SUMF1: variants seen among roughly 807,000 people sequenced by gnomAD.
SUMF1 encodes the protein sulfatase modifying factor 1.
A neutral mutation model predicts 47.6 loss-of-function variants in SUMF1; 48 were observed. The ratio of observed to expected loss-of-function variants is 1.01; its 90% confidence interval spans 0.80 to 1.28. SUMF1 has a LOEUF of 1.28. Ranked by LOEUF, SUMF1 falls within the 50% of genes most tolerant of loss-of-function variation. The pLI is 0.00. For synonymous variants in SUMF1, 230 were observed against 192.1 expected (o/e 1.20, Z -1.63); for missense variants, 571 against 485.4 (o/e 1.18, Z -1.66).
intron 3 of SUMF1, among the ~76,000 whole-genome samples, chr3:4,448,751 G>A (rs954416323): frequency 5.3e-5 from 8 of 151,948 alleles, no homozygotes; most frequent in African/African-American, 1.9e-4. Flanking sequence ...ATATGGGAGG[G>A]TACACCCCTG....
At chr3:4,232,059 C>T (rs904995973) in intron 8 of SUMF1, among the ~76,000 whole-genome samples, 8 of 152,128 alleles carry the variant, frequency 5.3e-5, no homozygotes, top group Non-Finnish European at 1.2e-4. Flanking sequence ...CCTCCTGGTG[C>T]TTCATTGATA....
chr3:4,213,798 C>G (rs1367215488), intron 8 of SUMF1, among the ~76,000 whole-genome samples: 1 of 152,046 alleles, frequency 6.6e-6, no homozygotes, highest in African/African-American at 2.4e-5. Context: ...CAACAAAGAT[C>G]AAAAGAGACA....
chr3:4,157,895 C>T (rs1694490935), intron 8 of SUMF1, among the ~76,000 whole-genome samples: 1 of 151,490 alleles, frequency 6.6e-6, no homozygotes, highest in Non-Finnish European at 1.5e-5. Flanking sequence ...TACTTCTGTA[C>T]TCAAGTCATA....
chr3:4,068,983 AAATAACAATAAT>A (rs1271614872), intron 8 of SUMF1, among the ~76,000 whole-genome samples: 1 of 152,158 alleles, frequency 6.6e-6, no homozygotes, highest in Admixed American at 6.5e-5. Context: ...CCTTTTATGA[AAATAACAATAAT>A]AATAACAATA....
At chr3:4,079,393 T>G (rs903249730) in intron 8 of SUMF1, among the ~76,000 whole-genome samples, 6 of 151,996 alleles carry the variant, frequency 3.9e-5, no homozygotes, top group African/African-American at 1.5e-4. Context: ...TGAGAAGGGT[T>G]TTGATACCAT....
intron 8 of SUMF1, among the ~76,000 whole-genome samples, chr3:4,109,849 A>C (rs1329438739): frequency 6.6e-6 from 1 of 151,934 alleles, no homozygotes; most frequent in Non-Finnish European, 1.5e-5. Flanking sequence ...AAAGCTTTTA[A>C]CTTCTTTGCC....
intron 8 of SUMF1, 44 bp from the exon 9 acceptor site, chr3:4,362,298 A>C: frequency 3.9e-6 from 6 of 1,542,114 alleles, no homozygotes; most frequent in Non-Finnish European, 5.4e-6. Context: ...TGGGACTCTC[A>C]GCTGAAGGCT....
At chr3:4,337,165 T>G (rs914336462) in intron 8 of SUMF1, among the ~76,000 whole-genome samples, 5 of 152,150 alleles carry the variant, frequency 3.3e-5, no homozygotes, top group Non-Finnish European at 7.3e-5. Context: ...ATATGTTCTA[T>G]TTCTCTGTCT....
At chr3:4,258,885 T>C (rs1193143355) in intron 8 of SUMF1, among the ~76,000 whole-genome samples, 2 of 135,414 alleles carry the variant, frequency 1.5e-5, no homozygotes, top group South Asian at 2.2e-4. Context: ...AATGATAGAC[T>C]GGATTAAGAA....
intron 8 of SUMF1, among the ~76,000 whole-genome samples, chr3:4,340,004 G>A (rs542925071): frequency 6.6e-6 from 1 of 152,204 alleles, no homozygotes; most frequent in South Asian, 2.1e-4. Context: ...CTTGAAGCCA[G>A]AAGGTCGAGG....
At chr3:4,137,393 G>A (rs1049023812) in intron 8 of SUMF1, among the ~76,000 whole-genome samples, 1 of 141,472 alleles carries the variant, frequency 7.1e-6, no homozygotes, top group African/African-American at 2.7e-5. Context: ...AACACCGCAT[G>A]TTCTCACTCA....
At chr3:4,067,525 C>T (rs1448175279) in intron 9 of SUMF1, among the ~76,000 whole-genome samples, 1 of 152,160 alleles carries the variant, frequency 6.6e-6, no homozygotes, top group Admixed American at 6.5e-5. Flanking sequence ...GCAAGAAAAA[C>T]TGACCCCAAG....
intron 8 of SUMF1, among the ~76,000 whole-genome samples, chr3:4,070,106 A>C (rs1695484307): frequency 6.6e-6 from 1 of 152,136 alleles, no homozygotes; most frequent in Non-Finnish European, 1.5e-5. Flanking sequence ...GATAAACTCA[A>C]CGAATTATGA....
At chr3:4,316,046 CAAAAAA>C (rs774059331) in intron 8 of SUMF1, among the ~76,000 whole-genome samples, 154 of 76,884 alleles carry the variant, frequency 2.0e-3, no homozygotes, top group South Asian at 4.9e-3. Context: ...GACTCTGTCT[CAAAAAA>C]AAAAAAAAAA....
At chr3:4,221,095 T>A (rs939477595) in intron 8 of SUMF1, among the ~76,000 whole-genome samples, 10 of 152,182 alleles carry the variant, frequency 6.6e-5, no homozygotes, top group Admixed American at 6.6e-4. Context: ...CCTTAGCATC[T>A]GGTCACATCA....
chr3:4,284,533 G>C lies in SUMF1; in HGVS notation c.1014+91797C>G, dbSNP rs186541998. Among the ~76,000 whole-genome samples the C allele has an allele frequency of 9.2e-4, 140 of 151,632 alleles. 1 individual carries two copies. The highest frequency in any genetic ancestry group is 5.5e-3 in the Admixed American group (83 of 15,228). On this transcript the variant is annotated intron_variant and NMD_transcript_variant, in intron 8 of 12. Transcript: ENST00000448413. The stretch of plus-strand genomic sequence containing the variant: ...GGGGCTTGCCTTGCTTTTCCATTCT[G>C]CTACAGGTGACCCTGGCATCAAGTC...
intron 8 of SUMF1, among the ~76,000 whole-genome samples, chr3:4,140,287 C>T (rs998154627): frequency 3.3e-5 from 5 of 152,074 alleles, no homozygotes; most frequent in African/African-American, 1.2e-4. Context: ...CTTATTTATA[C>T]ATCAGATGCA....
chr3:4,072,387 G>C (rs768442532), intron 8 of SUMF1, among the ~76,000 whole-genome samples: 1 of 152,130 alleles, frequency 6.6e-6, no homozygotes, highest in Non-Finnish European at 1.5e-5. Context: ...AACCAGAGCA[G>C]AAAGCCTGAA....
At chr3:4,397,217 T>C (rs1701067177) in intron 7 of SUMF1, among the ~76,000 whole-genome samples, 1 of 152,246 alleles carries the variant, frequency 6.6e-6, no homozygotes, top group Non-Finnish European at 1.5e-5. Flanking sequence ...TCCTAAGCAA[T>C]GCATGTTATA....
Sources: allele counts gnomAD v4.1 joint callset (sites outside exome capture counted in the v4.1 genomes callset), GRCh38; gene constraint gnomAD v4.1.1; transcripts MANE v1.5; gene names NCBI Gene and HGNC (gene_info 2026-07-23, HGNC 2026-07-21).